ZNF839: variants seen among roughly 807,000 people sequenced by gnomAD.
The protein encoded by ZNF839 is zinc finger protein 839.
ZNF839 carries 38 observed loss-of-function variants against 56.4 expected under a neutral mutation model. That is an observed-to-expected ratio of 0.67 (90% CI 0.52 to 0.88). ZNF839 has a LOEUF of 0.88. Ranked by LOEUF, ZNF839 falls within the 40% of genes least tolerant of loss-of-function variation. The pLI, the probability that ZNF839 is intolerant of heterozygous loss-of-function variation, is 0.00. For synonymous variants in ZNF839, 486 were observed against 493.5 expected, an observed-to-expected ratio of 0.98 and a Z score of 0.20; for missense variants, 1,091 against 1,177.6, an observed-to-expected ratio of 0.93 and a Z score of 1.08.
At chr14:102,328,670 C>T (rs113892466) in intron 2 of ZNF839, among the ~76,000 whole-genome samples, 2 of 151,890 alleles carry the variant, frequency 1.3e-5, no homozygotes, top group African/African-American at 4.8e-5. Context: ...TTCCCCCAAC[C>T]TTCGACTTTC....
chr14:102,320,515 C>A (rs936306249), intron 1 of ZNF839, among the ~76,000 whole-genome samples: 2 of 152,130 alleles, frequency 1.3e-5, no homozygotes. Context: ...TGGGTGGTCC[C>A]GTAGGCCAGA....
At position 102,338,948 on chromosome 14, in the gene ZNF839, C is replaced by T. The variant is rs199952618; in HGVS notation, c.1792C>T (p.Arg598Cys). ...LEGASSEKRE[R>C]EAAEEGLASV... ...GGGAGCTAGCAGCGAGAAGAGGGAA[C>T]GTGAGGTGGGCATGGCTGAAGTGGG... Residue 598 changes from arginine to cysteine, a missense_variant, in exon 6 of 8, where the codon CGT becomes TGT. Physicochemically the swap from Arg to Cys is radical, Grantham distance 180 (BLOSUM62 -3). This residue lies in a region of ZNF839 where 431 missense variants were observed against 468.0 expected (regional missense o/e 0.92). Coordinates refer to ENST00000442396, the MANE Select transcript of ZNF839 (RefSeq NM_018335.6). The T allele has an allele frequency of 2.6e-4, 423 of 1,613,826 alleles. 1 individual carries two copies. The highest frequency in any genetic ancestry group is 3.8e-4 in the Admixed American group (23 of 59,986).
rs570513998 is a variant in ZNF839, at chr14:102,320,099, C to T, written c.288+46C>T. 869 of 1,152,750 alleles carry T rather than the reference C, an allele frequency of 7.5e-4. 4 individuals are homozygous for T. The highest frequency in any genetic ancestry group is 9.0e-4 in the Non-Finnish European group (842 of 937,342). 71.4% of individuals were successfully genotyped at this position (1,152,750 alleles called of 1,614,324 possible). On this transcript the variant is annotated intron_variant, in intron 1 of 7. Transcript: ENST00000442396. Reference sequence around the variant, plus strand: ...TGGGGAAACTGAGGCCCGAAGGGGGCCGACGCCCCGCGGCGGGGTAGCTGC... The same window carrying T: ...TGGGGAAACTGAGGCCCGAAGGGGGTCGACGCCCCGCGGCGGGGTAGCTGC...
In ZNF839 at chr14:102,335,755, A is replaced by C; in HGVS notation, c.1576A>C (p.Lys526Gln). ...ATATAAGGAATTTGAAGAGTTGCAT[A>C]AAATGGTTAAGAAAATGTGCCAAGA... ...AIYKEFEELH[K>Q]MVKKMCQDYL... Residue 526 changes from lysine to glutamine, a missense_variant, in exon 5 of 8, where the codon AAA (lysine) becomes CAA (glutamine). Lys to Gln is a moderately conservative substitution (Grantham distance 53). Transcript: ENST00000442396. 6.2e-7 allele frequency: 1 copy of C among 1,603,486 alleles called. No homozygotes were observed. Among genetic ancestry groups the C allele is most frequent in the African/African-American group, 1.3e-5 (1 of 75,056 alleles).
intron 2 of ZNF839, among the ~76,000 whole-genome samples, chr14:102,327,794 G>A (rs971819866): frequency 1.1e-4 from 17 of 152,134 alleles, no homozygotes; most frequent in African/African-American, 4.1e-4. Context: ...TCTTCTGTGT[G>A]CTAGGATGAT....
rs1001357962 is a variant in ZNF839, at chr14:102,320,203, C to A, written c.288+150C>A. 6 of 1,029,290 alleles carry A rather than the reference C, an allele frequency of 5.8e-6. No homozygotes were observed. The African/African-American group carries it at 8.6e-5, about 15-fold the overall frequency. 63.8% of individuals were successfully genotyped at this position (1,029,290 alleles called of 1,614,324 possible). A position where few individuals can be genotyped will look rare whatever the true frequency, so the allele number is the denominator to read the frequency against. On this transcript the variant is annotated intron_variant, in intron 1 of 7. Coordinates refer to ENST00000442396, the MANE Select transcript of ZNF839 (RefSeq NM_018335.6). The stretch of plus-strand genomic sequence containing the variant: ...TGAGCTTCTTAGGGACGGCGTTCGG[C>A]CCCCACCTGTCACCACCCTGGCATT...
chr14:102,319,799 AGCGAGGATGGCGGCGGCGGCGGCG>A lies in ZNF839; in HGVS notation c.37_60del (p.Glu13_Gly20del). On this transcript the variant is annotated inframe_deletion, in exon 1 of 8. Transcript: ENST00000442396. This position sits in a 1 kb window ranked among gnomAD's most constrained non-coding sequence, Gnocchi z 4.5. ...TGCGGAGCCGGAGGCTGGGGGCGGC[AGCGAGGATGGCGGCGGCGGCGGCG>A]GCCCGGCTCCTCCGGGCCAGAGCGG... is the stretch of plus-strand genomic sequence containing the variant. 8.1e-7 allele frequency: 1 copy of A among 1,232,332 alleles called. No individual in the cohort carries two copies. The highest frequency in any genetic ancestry group is 1.0e-6 in the Non-Finnish European group (1 of 988,342). 76.3% of individuals were successfully genotyped at this position (1,232,332 alleles called of 1,614,324 possible).
At chr14:102,337,684 G>A (rs1177971576) in intron 5 of ZNF839, 2 of 152,098 alleles carry the variant, frequency 1.3e-5, no homozygotes, top group East Asian at 1.9e-4. Flanking sequence ...ATCGCCTCTT[G>A]GGAGCATGAC....
At chr14:102,339,400 T>C (rs1411539248) in intron 7 of ZNF839, among the ~76,000 whole-genome samples, 177 bp downstream of exon 7, 2 of 152,176 alleles carry the variant, frequency 1.3e-5, no homozygotes, top group Non-Finnish European at 2.9e-5. Context: ...TCCAGATTCA[T>C]TCCCTGCGAG....
At position 102,319,920 on chromosome 14, in the gene ZNF839, A is replaced by AGCCGCC. The variant is rs761136954; in HGVS notation, c.168_173dup (p.Pro58_Pro59dup). ...GTCCTGGAGCAGGTGACGAAGGCGCAGCCGCCGCCGCCGCCGCCCCCCTTC... is the reference window on the plus strand; with the variant it reads ...GTCCTGGAGCAGGTGACGAAGGCGCAGCCGCCGCCGCCGCCGCCGCCGCCCCCCTTC... On this transcript the variant is annotated inframe_insertion, in exon 1 of 8. Coordinates refer to ENST00000442396, the MANE Select transcript of ZNF839 (RefSeq NM_018335.6). The surrounding 1 kb of genome is among the most constrained non-coding windows in gnomAD (Gnocchi z 4.5). 70 of 1,122,250 alleles carry AGCCGCC rather than the reference A, an allele frequency of 6.2e-5. No homozygotes were observed. Among genetic ancestry groups the AGCCGCC allele is most frequent in the Non-Finnish European group, 7.3e-5 (67 of 912,496 alleles). The allele number at this position is 1,122,250 out of a possible 1,614,324, so 69.5% of individuals were successfully genotyped here. A position where few individuals can be genotyped will look rare whatever the true frequency, so the allele number is the denominator to read the frequency against.
chr14:102,338,919 T>C lies in ZNF839; in HGVS notation c.1763T>C (p.Leu588Pro). ...HLSRDMDGEQ[L>P]EGASSEKRER... ...AGCCGAGACATGGATGGGGAGCAGC[T>C]AGAGGGAGCTAGCAGCGAGAAGAGG... The change falls in exon 6 of 8, where the codon CTA becomes CCA. Residue 588 changes from leucine to proline, a missense_variant. By Grantham distance (98) the Leu-to-Pro change is moderately conservative (BLOSUM62 -3). Transcript: ENST00000442396. 6.2e-7 allele frequency: 1 copy of C among 1,613,856 alleles called. No individual in the cohort carries two copies. Among genetic ancestry groups the C allele is most frequent in the Non-Finnish European group, 8.5e-7 (1 of 1,179,872 alleles).
At position 102,339,217 on chromosome 14, in the gene ZNF839, G is replaced by A. The variant is rs2139593632; in HGVS notation, c.1921G>A (p.Ala641Thr). ...GAAGCCCAGGCCCTTGCATGCTTTGGCCGCTGGTGAGGGTAAAATGCTGTT... is the reference window on the plus strand; with the variant it reads ...GAAGCCCAGGCCCTTGCATGCTTTGACCGCTGGTGAGGGTAAAATGCTGTT... ...REKPRPLHAL[A>T]AGFSPPVNVT... The change falls in exon 7 of 8, where the codon GCC becomes ACC. Residue 641 changes from alanine (A) to threonine (T), a missense_variant. Physicochemically the swap from Ala to Thr is moderately conservative, Grantham distance 58. Around this residue, in one of 3 missense-constraint regions of ZNF839, gnomAD observed 431 missense variants for 468.0 expected, o/e 0.92. Coordinates refer to ENST00000442396, the MANE Select transcript of ZNF839 (RefSeq NM_018335.6). 1.2e-6 allele frequency: 2 copies of A among 1,610,682 alleles called. No homozygotes were observed. Among genetic ancestry groups the A allele is most frequent in the Middle Eastern group, 1.7e-4 (1 of 5,990 alleles).
At position 102,341,648 on chromosome 14, in the gene ZNF839, A is replaced by G. The variant is rs1886535180; in HGVS notation, c.2253A>G (p.Ser751=). ...GCCCGGGTTTCTGCAGCCCTTTGTC[A>G]TCTGGTGGTGGAGCAGAGTCCCTGC... is the stretch of plus-strand genomic sequence containing the variant. ...LRSPGFCSPL[S]SGGGAESLPP... The change falls in exon 8 of 8, where the codon TCA becomes TCG. Residue 751 remains serine (S), a synonymous_variant. Coordinates refer to ENST00000442396, the MANE Select transcript of ZNF839 (RefSeq NM_018335.6). 6.2e-7 allele frequency: 1 copy of G among 1,613,814 alleles called. No homozygotes were observed. Among genetic ancestry groups the G allele is most frequent in the Admixed American group, 1.7e-5 (1 of 59,986 alleles).
At chr14:102,317,550 G>A (rs1289343845), upstream of ZNF839, 1 of 147,934 alleles carries the variant, frequency 6.8e-6, no homozygotes, top group East Asian at 1.9e-4. Context: ...TGTTCCCTGG[G>A]CCCACTTGCG....
rs570710352 is a variant in ZNF839 at position 102,325,947 on chromosome 14, A to G, written c.289-38A>G. Reference sequence around the variant, plus strand: ...AAATTGCAGACATGTTCATAAGCACAATGCTTCTTTTCTCTTTCTTGTCTT... The same window carrying G: ...AAATTGCAGACATGTTCATAAGCACGATGCTTCTTTTCTCTTTCTTGTCTT... On this transcript the variant is annotated intron_variant, in intron 1 of 7. Transcript: ENST00000442396. The G allele has an allele frequency of 6.3e-6, 10 of 1,590,554 alleles. No individual in the cohort carries two copies. The East Asian group carries it at 2.0e-4, about 32-fold the overall frequency.
chr14:102,323,199 G>T (rs1387853904), intron 1 of ZNF839, among the ~76,000 whole-genome samples: 2 of 152,226 alleles, frequency 1.3e-5, no homozygotes, highest in African/African-American at 4.8e-5. Flanking sequence ...CCCCACAGGG[G>T]GCACTTGGCA....
In ZNF839 at chr14:102,331,816, G is replaced by T. The variant is rs1484150604; in HGVS notation, c.1386G>T (p.Arg462Ser). 14 of 1,582,088 alleles carry T rather than the reference G, an allele frequency of 8.8e-6. No homozygotes were observed. Among genetic ancestry groups the T allele is most frequent in the Non-Finnish European group, 1.2e-5 (14 of 1,166,360 alleles). The change falls in exon 3 of 8, where the codon AGG (arginine) becomes AGT (serine). Residue 462 changes from arginine to serine, a missense_variant. Physicochemically the swap from Arg to Ser is moderately radical, Grantham distance 110. Around this residue, in one of 3 missense-constraint regions of ZNF839, gnomAD observed 614 missense variants for 629.2 expected, o/e 0.98. Coordinates refer to ENST00000442396, the MANE Select transcript of ZNF839 (RefSeq NM_018335.6). The part of the protein sequence containing the change: ...PGGPAAAGEQ[R>S]ASPSKARLKE... ...GCCCTGCTGCGGCAGGGGAGCAGAG[G>T]GCGTCGCCAAGCAAAGCCAGGCTCA...
At chr14:102,328,374 AAATATATATATATATATATATATAT>A (rs1361253682) in intron 2 of ZNF839, among the ~76,000 whole-genome samples, 3 of 34,608 alleles carry the variant, frequency 8.7e-5, no homozygotes, top group Non-Finnish European at 1.5e-4. Context: ...AAAAAAAAAA[AAATATATATATATATATATATATAT>A]ATATATATAT....
upstream of ZNF839, chr14:102,317,753 G>A (rs1441148728): frequency 6.6e-6 from 1 of 152,150 alleles, no homozygotes; most frequent in Non-Finnish European, 1.5e-5. Flanking sequence ...GGTTGTGGAA[G>A]CCTCTGGAAA....
Sources: gnomAD v4.1 joint callset for allele counts (sites outside exome capture counted in the v4.1 genomes callset) on GRCh38, gnomAD v4.1.1 for gene constraint, gnomAD v4.1.1 regional missense constraint, Gnocchi (gnomAD v3.1) non-coding constraint, MANE v1.5 for transcripts, NCBI Gene and HGNC (gene_info 2026-07-23, HGNC 2026-07-21) for gene names.